Variants in ASH2L observed in about 807,000 individuals in gnomAD.
ASH2L encodes the protein set1/Ash2 histone methyltransferase complex subunit ASH2.
In ASH2L, 30 loss-of-function variants were observed where a neutral mutation model predicts 81.1. That is an observed-to-expected ratio of 0.37 (90% CI 0.28 to 0.50). The LOEUF (loss-of-function observed/expected upper bound fraction) is 0.50, where lower values mean the gene tolerates loss of function less well. Ranked by LOEUF, ASH2L falls within the 20% of genes least tolerant of loss-of-function variation. The pLI is 0.95. For missense variants in ASH2L, 559 were observed against 792.1 expected (o/e 0.71, Z 3.53); for synonymous variants, 273 against 279.9 (o/e 0.98, Z 0.24).
intron 11 of ASH2L, 23 bp from the exon 12 acceptor site, chr8:38,128,735 T>C (rs1801950635): frequency 1.3e-6 from 2 of 1,597,230 alleles, no homozygotes; most frequent in Non-Finnish European, 1.7e-6. Flanking sequence ...TCTGACTTCC[T>C]GTGTATGTTT....
chr8:38,119,187 G>A (rs1190986896), intron 8 of ASH2L, 83 bp from the exon 9 acceptor site: 6 of 1,206,188 alleles, frequency 5.0e-6, no homozygotes, highest in Non-Finnish European at 7.1e-6. Context: ...TGCACATTGG[G>A]TGTGTTGGTC....
chr8:38,108,721 A>G (rs1417276087), intron 3 of ASH2L, among the ~76,000 whole-genome samples: 8 of 152,036 alleles, frequency 5.3e-5, no homozygotes, highest in Non-Finnish European at 8.8e-5. Context: ...CTCGGGAGGC[A>G]GGAAAATCAC....
At chr8:38,126,238 G>A (rs1801840277) in intron 10 of ASH2L, among the ~76,000 whole-genome samples, 1 of 151,612 alleles carries the variant, frequency 6.6e-6, no homozygotes, top group African/African-American at 2.4e-5. Context: ...CCAGACAAAT[G>A]TAACTGAGGG....
chr8:38,132,815 G>C (rs1228290013), intron 12 of ASH2L, among the ~76,000 whole-genome samples: 1 of 147,206 alleles, frequency 6.8e-6, no homozygotes, highest in Non-Finnish European at 1.5e-5. Context: ...AAAAAGAATA[G>C]GCTGGGCGCA....
At chr8:38,122,475 ATTTT>A (rs900890038) in intron 10 of ASH2L, 1 of 149,720 alleles carries the variant, frequency 6.7e-6, no homozygotes, top group African/African-American at 2.4e-5. Context: ...AGCGTTCCTT[ATTTT>A]TTTTTTAAGT....
rs139384247 is a variant in ASH2L, at chr8:38,105,608, G to C, written c.58G>C (p.Ala20Pro). 1.2e-6 allele frequency: 2 copies of C among 1,602,356 alleles called. No homozygotes were observed. Among genetic ancestry groups the C allele is most frequent in the Non-Finnish European group, 1.7e-6 (2 of 1,174,906 alleles). ...AGCGGGTGCCGGGCCTGGCCCAGGA[G>C]CGGTCGCAAATGCAACAGGGGCAGA... ...QEAGAGPGPG[A>P]VANATGAEEG... Residue 20 changes from alanine to proline, a missense_variant, in exon 1 of 16, where the codon GCG becomes CCG. Coordinates refer to ENST00000343823, the MANE Select transcript of ASH2L (RefSeq NM_004674.5).
At chr8:38,126,913 T>C (rs901711469) in intron 10 of ASH2L, among the ~76,000 whole-genome samples, 24 of 151,332 alleles carry the variant, frequency 1.6e-4, no homozygotes, top group Admixed American at 8.6e-4. Flanking sequence ...CTGTGGCTCA[T>C]TCCTGTAATC....
Position 38,116,729 on chromosome 8 carries a change from A to G in ASH2L, c.853+4A>G. Reference sequence around the variant, plus strand: ...TCTACTAGTGGGAATTTAAATGGTAAGTGTTTACATATCTCATTGCTGAAA... The same window carrying G: ...TCTACTAGTGGGAATTTAAATGGTAGGTGTTTACATATCTCATTGCTGAAA... On this transcript the variant is annotated splice_donor_region_variant and intron_variant, in intron 8 of 15. Transcript: ENST00000343823. 1.2e-6 allele frequency: 2 copies of G among 1,609,534 alleles called. No individual in the cohort carries two copies. Among genetic ancestry groups the G allele is most frequent in the South Asian group, 1.1e-5 (1 of 90,784 alleles).
intron 5 of ASH2L, 134 bp downstream of exon 5, chr8:38,110,967 C>T: frequency 1.4e-6 from 1 of 721,130 alleles, no homozygotes; most frequent in Non-Finnish European, 2.3e-6. Context: ...ACCTTGTTCT[C>T]TTTTTTTTTC....
At chr8:38,138,676 T>C (rs571514184) in intron 14 of ASH2L, 140 bp from the exon 15 acceptor site, 4 of 652,106 alleles carry the variant, frequency 6.1e-6, no homozygotes, top group South Asian at 5.8e-5. Context: ...TTTAGTAATA[T>C]TTAATATATA....
chr8:38,109,220 A>G (rs753159658), intron 3 of ASH2L, among the ~76,000 whole-genome samples: 5 of 152,160 alleles, frequency 3.3e-5, no homozygotes, highest in Non-Finnish European at 7.3e-5. Flanking sequence ...CTATTTACCT[A>G]CCTATCTTTA....
At chr8:38,106,348 TCTTA>T (rs749305006) in intron 1 of ASH2L, 26 bp from the exon 2 acceptor site, 2 of 1,608,296 alleles carry the variant, frequency 1.2e-6, no homozygotes, top group Non-Finnish European at 8.5e-7. Flanking sequence ...TCTTGAGAAT[TCTTA>T]CTTGAGCGCT....
chr8:38,120,218 G>A (rs1811079272), intron 9 of ASH2L, among the ~76,000 whole-genome samples: 1 of 152,194 alleles, frequency 6.6e-6, no homozygotes, highest in Admixed American at 6.5e-5. Flanking sequence ...AACAAGTATA[G>A]TGTCTTCTGG....
chr8:38,128,103 T>C (rs867315886), intron 10 of ASH2L, among the ~76,000 whole-genome samples, 188 bp from the exon 11 acceptor site: 2 of 152,356 alleles, frequency 1.3e-5, no homozygotes, highest in Middle Eastern at 3.4e-3. Context: ...ACTTTCTCTT[T>C]TTTGTTGCTT....
intron 12 of ASH2L, among the ~76,000 whole-genome samples, chr8:38,132,006 G>A (rs1435059783): frequency 1.3e-5 from 2 of 152,034 alleles, no homozygotes; most frequent in South Asian, 2.1e-4. Flanking sequence ...GCACCACCAC[G>A]CCCAGCTAAT....
intron 1 of ASH2L, chr8:38,106,130 T>G: frequency 6.5e-7 from 1 of 1,528,780 alleles, no homozygotes; most frequent in Non-Finnish European, 8.8e-7. Context: ...CAGGACCAAC[T>G]CTAACCCAGG....
intron 5 of ASH2L, among the ~76,000 whole-genome samples, chr8:38,112,400 T>G (rs1431062942): frequency 6.6e-6 from 1 of 152,104 alleles, no homozygotes; most frequent in African/African-American, 2.4e-5. Context: ...GCATTTGACT[T>G]TCTTCATGAT....
chr8:38,121,161 A>G lies in ASH2L; in HGVS notation c.1165+12A>G, dbSNP rs1355487389. The G allele has an allele frequency of 2.5e-6, 4 of 1,608,240 alleles. No homozygotes were observed. Among genetic ancestry groups the G allele is most frequent in the Middle Eastern group, 1.8e-4 (1 of 5,564 alleles). ...CCTACATGATCGAGGTATGTAAAGT[A>G]TTGGAGATCATATGGATGCAGGGTT... On this transcript the variant is annotated intron_variant, in intron 10 of 15. Coordinates refer to ENST00000343823, the MANE Select transcript of ASH2L (RefSeq NM_004674.5).
intron 13 of ASH2L, among the ~76,000 whole-genome samples, chr8:38,135,205 A>G (rs1161768960): frequency 5.3e-5 from 8 of 152,182 alleles, no homozygotes; most frequent in Admixed American, 5.2e-4. Flanking sequence ...AATGTTTGGT[A>G]TATGTAGCAC....
Sources: gnomAD v4.1 joint callset for allele counts (sites outside exome capture counted in the v4.1 genomes callset) on GRCh38, gnomAD v4.1.1 for gene constraint, MANE v1.5 for transcripts, NCBI Gene and HGNC (gene_info 2026-07-23, HGNC 2026-07-21) for gene names.